The following UGT1A1 variants were observed in gnomAD, a reference collection of about 807,000 sequenced individuals.
The protein encoded by UGT1A1 is UDP glucuronosyltransferase family 1 member A1.
UGT1A1 carries 33 observed loss-of-function variants against 40.6 expected under a neutral mutation model. The ratio of observed to expected loss-of-function variants is 0.81; its 90% CI spans 0.62 to 1.09. The LOEUF (loss-of-function observed/expected upper bound fraction) is 1.09, where lower values mean the gene tolerates loss of function less well. UGT1A1 is among the 50% of genes least tolerant of loss of function. The pLI, the probability that UGT1A1 is intolerant of heterozygous loss-of-function variation, is 0.00. For missense variants in UGT1A1, 694 were observed against 671.2 expected (o/e 1.03, Z -0.38); for synonymous variants, 249 against 265.0 (o/e 0.94, Z 0.59).
At chr2:233,768,588 T>C in intron 4 of UGT1A1, 149 bp downstream of exon 4, 52 of 996,612 alleles carry the variant, frequency 5.2e-5, no homozygotes, top group East Asian at 5.1e-4. Flanking sequence ...TCTTCTTTTT[T>C]TTTTTTTTTT....
At chr2:233,767,722 A>T (rs1699460301) in intron 2 of UGT1A1, 127 bp from the exon 3 acceptor site, 6 of 1,548,124 alleles carry the variant, frequency 3.9e-6, no homozygotes, top group Middle Eastern at 3.4e-4. Flanking sequence ...CTTCACAGTT[A>T]CTGATCCTCC....
At chr2:233,761,816 G>C (rs374860940) in intron 1 of UGT1A1, among the ~76,000 whole-genome samples, 3 of 152,178 alleles carry the variant, frequency 2.0e-5, no homozygotes, top group Admixed American at 6.5e-5. Flanking sequence ...AACAGGAGAG[G>C]CTCCTTCAGA....
intron 1 of UGT1A1, among the ~76,000 whole-genome samples, chr2:233,762,064 C>A (rs574389899): frequency 1.3e-5 from 2 of 152,174 alleles, no homozygotes; most frequent in South Asian, 4.2e-4. Flanking sequence ...CATAGCACAT[C>A]AAATATGGCA....
chr2:233,763,199 G>A (rs1698259470), intron 1 of UGT1A1, among the ~76,000 whole-genome samples: 1 of 152,320 alleles, frequency 6.6e-6, no homozygotes, highest in African/African-American at 2.4e-5. Context: ...CTTGTTTGGT[G>A]CAGTCAGGCT....
intron 1 of UGT1A1, among the ~76,000 whole-genome samples, chr2:233,762,570 C>A (rs1698104527): frequency 6.6e-6 from 1 of 152,154 alleles, no homozygotes; most frequent in South Asian, 2.1e-4. Flanking sequence ...TAGTCTAGTT[C>A]CCCACAGAGG....
rs72551342 is a variant in UGT1A1, at chr2:233,760,816, T to C, written c.529T>C (p.Cys177Arg). 3 of 1,613,644 alleles carry C rather than the reference T, an allele frequency of 1.9e-6. No homozygotes were observed. The highest frequency in any genetic ancestry group is 1.1e-5 in the South Asian group (1 of 91,082). The change falls in exon 1 of 5, where the codon TGC (cysteine) becomes CGC (arginine). Residue 177 changes from cysteine to arginine, a missense_variant. Cys to Arg is a radical substitution (Grantham distance 180). Transcript: ENST00000305208. The part of the protein sequence containing the change: ...PTVFFLHALP[C>R]SLEFEATQCP... ...TGTATTCTTCTTGCATGCACTGCCA[T>C]GCAGCCTGGAATTTGAGGCTACCCA... is the stretch of plus-strand genomic sequence containing the variant.
In UGT1A1 at chr2:233,769,405, G is replaced by A. The variant is rs932646645; in HGVS notation, c.1304+966G>A. On this transcript the variant is annotated intron_variant, in intron 4 of 4. Coordinates refer to ENST00000305208, the MANE Select transcript of UGT1A1 (RefSeq NM_000463.3). This position sits in a 1 kb window ranked among gnomAD's most constrained non-coding sequence, Gnocchi z 4.4. ...CAATAGATACTGTGTGCATATGTGC[G>A]TGTGCGTTTGTGCATGTGGCTGTGC... 111 of 1,239,692 alleles carry A rather than the reference G, an allele frequency of 9.0e-5. No homozygotes were observed. The South Asian group carries it at 1.2e-3, about 14-fold the overall frequency. The allele number at this position is 1,239,692 out of a possible 1,614,324, so 76.8% of individuals were successfully genotyped here.
rs751107175 is a variant in UGT1A1, at chr2:233,761,195, A to G, written c.864+44A>G. On this transcript the variant is annotated intron_variant, in intron 1 of 4. Coordinates refer to ENST00000305208, the MANE Select transcript of UGT1A1 (RefSeq NM_000463.3). ...CTTTTACATGCGTATATTCTTTCAG[A>G]TGTATTACTTTGGATCGATTAACTA... The G allele has an allele frequency of 4.3e-6, 7 of 1,613,994 alleles. No individual in the cohort carries two copies. The African/African-American group carries it at 8.0e-5, about 18-fold the overall frequency.
At position 233,772,260 on chromosome 2, in the gene UGT1A1, A is replaced by G; in HGVS notation, c.1305-2A>G. 1 of 1,614,264 alleles carries G rather than the reference A, an allele frequency of 6.2e-7. No homozygotes were observed. Among genetic ancestry groups the G allele is most frequent in the Non-Finnish European group, 8.5e-7 (1 of 1,180,050 alleles). ...GCATAACGAAACTGTCTTTGTGTTT[A>G]GTTACAAGGAGAACATCATGCGCCT... On this transcript the variant is annotated splice_acceptor_variant, in intron 4 of 4. Transcript: ENST00000305208. LOFTEE classifies it high-confidence loss of function.
Position 233,769,475 on chromosome 2 carries a change from G to T in UGT1A1, c.1304+1036G>T. On this transcript the variant is annotated intron_variant, in intron 4 of 4. Coordinates refer to ENST00000305208, the MANE Select transcript of UGT1A1 (RefSeq NM_000463.3). The surrounding 1 kb of genome is among the most constrained non-coding windows in gnomAD (Gnocchi z 4.4). Reference sequence around the variant, plus strand: ...TGTGCATTCATATGCGTGTGTGTGTGTGTGCGTGTGTTTATGAGAGTGTCC... The same window carrying T: ...TGTGCATTCATATGCGTGTGTGTGTTTGTGCGTGTGTTTATGAGAGTGTCC... 6.2e-7 allele frequency: 1 copy of T among 1,611,166 alleles called. No homozygotes were observed.
Position 233,767,220 on chromosome 2 carries a change from C to T in UGT1A1, c.996+55C>T. 2.5e-6 allele frequency: 4 copies of T among 1,611,656 alleles called. No individual in the cohort carries two copies. In the South Asian group the frequency reaches 4.4e-5, roughly 18 times the overall value. ...TCTATTTTCACAGGAGCGCTAATCC[C>T]AGACTTCCAGCTTCCAGATTAATTC... On this transcript the variant is annotated intron_variant, in intron 2 of 4. Coordinates refer to ENST00000305208, the MANE Select transcript of UGT1A1 (RefSeq NM_000463.3).
Position 233,769,804 on chromosome 2 carries a change from G to A in UGT1A1, c.1304+1365G>A, listed in dbSNP as rs1028893693. On this transcript the variant is annotated intron_variant, in intron 4 of 4. Transcript: ENST00000305208. The surrounding 1 kb of genome is among the most constrained non-coding windows in gnomAD (Gnocchi z 4.4). ...CAGAAGTTGGAGGCTGCTATGAGCCGTGATCATGCCACTGCACTCCAGCAA... is the reference window on the plus strand; with the variant it reads ...CAGAAGTTGGAGGCTGCTATGAGCCATGATCATGCCACTGCACTCCAGCAA... 2.8e-5 allele frequency: 31 copies of A among 1,110,686 alleles called. No individual in the cohort carries two copies. The highest frequency in any genetic ancestry group is 1.3e-4 in the African/African-American group (8 of 62,658). The allele number at this position is 1,110,686 out of a possible 1,614,324, so 68.8% of individuals were successfully genotyped here.
At chr2:233,764,888 CAA>C (rs869174020) in intron 1 of UGT1A1, among the ~76,000 whole-genome samples, 32 of 147,518 alleles carry the variant, frequency 2.2e-4, no homozygotes, top group African/African-American at 8.0e-4. Flanking sequence ...AAGGCAAAGA[CAA>C]AGCCCTTAAG....
rs199786512 is a variant in UGT1A1 at position 233,769,592 on chromosome 2, C to A, written c.1304+1153C>A. The A allele has an allele frequency of 6.2e-7, 1 of 1,612,706 alleles. No homozygotes were observed. The highest frequency in any genetic ancestry group is 1.3e-5 in the African/African-American group (1 of 74,904). On this transcript the variant is annotated intron_variant, in intron 4 of 4. Coordinates refer to ENST00000305208, the MANE Select transcript of UGT1A1 (RefSeq NM_000463.3). The surrounding 1 kb of genome is among the most constrained non-coding windows in gnomAD (Gnocchi z 4.4). Reference sequence around the variant, plus strand: ...TGGAGCATGTTCAGATGAGAGGAGACGGAACACGGGGACACACCAGCTTGA... The same window carrying A: ...TGGAGCATGTTCAGATGAGAGGAGAAGGAACACGGGGACACACCAGCTTGA...
chr2:233,772,918 GCAGTTTTAATCTTATCTTTT>G lies in UGT1A1; in HGVS notation c.*360_*379del. 2.7e-6 allele frequency: 1 copy of G among 377,336 alleles called. No homozygotes were observed. The allele number at this position is 377,336 out of a possible 1,614,324, so 23.4% of individuals were successfully genotyped here. A position where few individuals can be genotyped will look rare whatever the true frequency, so the allele number is the denominator to read the frequency against. On this transcript the variant is annotated 3_prime_UTR_variant, in exon 5 of 5. Transcript: ENST00000305208. ...CCCACGGCTGCCCCTACTGCAAATG[GCAGTTTTAATCTTATCTTTT>G]GGCTTCTGCAGATGGTTGCAATTGA...
chr2:233,767,827 C>T (rs1252355867), intron 2 of UGT1A1, 22 bp from the exon 3 acceptor site: 1 of 1,614,176 alleles, frequency 6.2e-7, no homozygotes, highest in Non-Finnish European at 8.5e-7. Flanking sequence ...TCTTTACGTT[C>T]TGCTCTTTTT....
intron 4 of UGT1A1, chr2:233,770,249 C>T (rs1368624656): frequency 1.3e-5 from 2 of 152,160 alleles, no homozygotes; most frequent in Non-Finnish European, 2.9e-5. Flanking sequence ...TTCCAACACT[C>T]TGAGCTGGGG....
intron 4 of UGT1A1, among the ~76,000 whole-genome samples, chr2:233,771,925 G>A (rs1269829032): frequency 6.6e-6 from 1 of 151,860 alleles, no homozygotes; most frequent in Non-Finnish European, 1.5e-5. Flanking sequence ...ACACAGCCTG[G>A]GCAACACAAT....
chr2:233,772,440 C>T lies in UGT1A1; in HGVS notation c.1483C>T (p.Leu495Phe). 3 of 1,614,194 alleles carry T rather than the reference C, an allele frequency of 1.9e-6. No individual in the cohort carries two copies. Among genetic ancestry groups the T allele is most frequent in the South Asian group, 2.2e-5 (2 of 91,088 alleles). ...CCATTCCTTGGACGTGATTGGTTTC[C>T]TCTTGGCCGTCGTGCTGACAGTGGC... ...QYHSLDVIGF[L>F]LAVVLTVAFI... is the part of the protein sequence containing the mutation. Residue 495 changes from leucine to phenylalanine, a missense_variant, in exon 5 of 5, where the codon CTC becomes TTC. Transcript: ENST00000305208.
Sources: allele counts gnomAD v4.1 joint callset (sites outside exome capture counted in the v4.1 genomes callset), GRCh38; gene constraint gnomAD v4.1.1; non-coding constraint Gnocchi (gnomAD v3.1); transcripts MANE v1.5; gene names NCBI Gene and HGNC (gene_info 2026-07-23, HGNC 2026-07-21).